Variants in NAALADL2 observed in about 807,000 individuals in gnomAD.
NAALADL2 encodes N-acetylated alpha-linked acidic dipeptidase like 2, also known as inactive N-acetylated-alpha-linked acidic dipeptidase-like protein 2.
Under a neutral mutation model 87.2 loss-of-function variants are expected in NAALADL2, and 76 were observed. The observed-to-expected ratio is 0.87, with a 90% confidence interval of 0.72 to 1.05. The LOEUF is 1.05. Ranked by LOEUF, NAALADL2 falls within the 50% of genes least tolerant of loss-of-function variation. The pLI is 0.00. For missense variants in NAALADL2, 1,089 were observed against 945.8 expected, an observed-to-expected ratio of 1.15 and a Z score of -1.99; for synonymous variants, 354 against 331.0, an observed-to-expected ratio of 1.07 and a Z score of -0.75.
At position 175,365,551 on chromosome 3, in the gene NAALADL2, T is replaced by G. The variant is rs1378918477; in HGVS notation, c.1090+41226T>G. ...CATTGTATACTTTGATAAATTTATGTAAAATTAGATTTTGTGGATTTTTCT... is the reference window on the plus strand; with the variant it reads ...CATTGTATACTTTGATAAATTTATGGAAAATTAGATTTTGTGGATTTTTCT... On this transcript the variant is annotated intron_variant, in intron 5 of 13. Coordinates refer to ENST00000454872, the MANE Select transcript of NAALADL2 (RefSeq NM_207015.3). 2.0e-5 allele frequency among the ~76,000 whole-genome samples: 3 copies of G among 147,766 alleles called. 1 individual carries two copies. In the East Asian group the frequency reaches 6.0e-4, roughly 29 times the overall value.
intron 3 of NAALADL2, among the ~76,000 whole-genome samples, chr3:174,832,702 G>T (rs772352990): frequency 1.3e-5 from 2 of 152,042 alleles, no homozygotes; most frequent in African/African-American, 4.8e-5. Flanking sequence ...TCTTGACGTC[G>T]TGATCCGCCC....
intron 1 of NAALADL2, among the ~76,000 whole-genome samples, chr3:174,509,568 A>ATTTTTTTTTT (rs145219498): frequency 4.1e-4 from 33 of 80,124 alleles, no homozygotes; most frequent in East Asian, 1.2e-3. Flanking sequence ...CACCCAGCTA[A>ATTTTTTTTTT]TTTTTTTTTT....
chr3:174,855,021 T>G (rs1188443541), upstream of NAALADL2, among the ~76,000 whole-genome samples: 1 of 151,880 alleles, frequency 6.6e-6, no homozygotes, highest in Non-Finnish European at 1.5e-5. Context: ...TAGGTTTTAG[T>G]AGAGATGGTG....
chr3:175,717,862 T>A (rs1583000187), intron 11 of NAALADL2, among the ~76,000 whole-genome samples: 2 of 141,058 alleles, frequency 1.4e-5, no homozygotes, highest in African/African-American at 5.4e-5. Context: ...CAGGTTGGAG[T>A]GCAGTGGCAC....
At chr3:174,482,272 G>A (rs886800225) in intron 1 of NAALADL2, among the ~76,000 whole-genome samples, 1 of 152,010 alleles carries the variant, frequency 6.6e-6, no homozygotes, top group Non-Finnish European at 1.5e-5. Context: ...CTTAGGTTAT[G>A]TGCCACACCC....
rs1395233503 is a variant in NAALADL2, at chr3:174,587,008, GGT to G, written c.-115+36377_-115+36378del. Among the ~76,000 whole-genome samples the G allele has an allele frequency of 2.1e-5, 3 of 143,474 alleles. No homozygotes were observed. The East Asian group carries it at 6.2e-4, about 30-fold the overall frequency. 94.1% of individuals were successfully genotyped at this position (143,474 alleles called of 152,430 possible). ...CTCCCCCCACCCCACGACAGGCCCTGGTGTGTGATGTACTCCACCCCGTGTCC... is the reference window on the plus strand; with the variant it reads ...CTCCCCCCACCCCACGACAGGCCCTGGTGTGATGTACTCCACCCCGTGTCC... On this transcript the variant is annotated intron_variant, in intron 2 of 3. Coordinates refer to the NAALADL2 transcript ENST00000434257.
chr3:174,779,712 C>G (rs1024408780), intron 3 of NAALADL2, among the ~76,000 whole-genome samples: 1 of 152,122 alleles, frequency 6.6e-6, no homozygotes, highest in African/African-American at 2.4e-5. Flanking sequence ...TTTTCCAACA[C>G]CATTTATTAA....
intron 2 of NAALADL2, among the ~76,000 whole-genome samples, chr3:174,569,048 T>C (rs965554540): frequency 2.0e-5 from 3 of 151,630 alleles, no homozygotes; most frequent in Admixed American, 6.6e-5. Flanking sequence ...TATGGCCTAA[T>C]AATGAATTTT....
chr3:174,816,505 ATACAT>A (rs370236001), intron 3 of NAALADL2, among the ~76,000 whole-genome samples: 39,669 of 147,338 alleles, frequency 0.27, 6,003 homozygotes, highest in African/African-American at 0.39. Flanking sequence ...ACATTATTTT[ATACAT>A]TTATTTATAT....
intron 2 of NAALADL2, among the ~76,000 whole-genome samples, chr3:174,578,666 G>A (rs552775804): frequency 1.3e-5 from 2 of 152,006 alleles, no homozygotes; most frequent in East Asian, 1.9e-4. Context: ...TAACTTTGAT[G>A]TACGGGAAGG....
At chr3:175,629,979 G>A (rs1727532906) in intron 11 of NAALADL2, among the ~76,000 whole-genome samples, 2 of 151,736 alleles carry the variant, frequency 1.3e-5, no homozygotes. Context: ...AGAATTATAT[G>A]TCCAAGAGAA....
chr3:174,877,863 A>G (rs1408993308), intron 1 of NAALADL2, among the ~76,000 whole-genome samples: 1 of 152,106 alleles, frequency 6.6e-6, no homozygotes, highest in African/African-American at 2.4e-5. Context: ...GAAACTCACT[A>G]TCATAAGATA....
At chr3:175,244,965 T>G (rs1410306509) in intron 3 of NAALADL2, among the ~76,000 whole-genome samples, 1 of 152,178 alleles carries the variant, frequency 6.6e-6, no homozygotes, top group Non-Finnish European at 1.5e-5. Context: ...GGACCTTTTG[T>G]AACTCATTTC....
chr3:174,609,962 A>C (rs1379433497), intron 2 of NAALADL2, among the ~76,000 whole-genome samples: 2 of 152,186 alleles, frequency 1.3e-5, no homozygotes, highest in Non-Finnish European at 2.9e-5. Context: ...GTACCAAAAG[A>C]GAGATATAGA....
intron 2 of NAALADL2, among the ~76,000 whole-genome samples, chr3:175,200,553 C>T (rs1450879334): frequency 1.3e-5 from 2 of 152,120 alleles, no homozygotes; most frequent in African/African-American, 4.8e-5. Flanking sequence ...TCTCCTTTTC[C>T]ACTTCCTGTA....
chr3:175,106,493 T>C (rs139493059), intron 2 of NAALADL2, among the ~76,000 whole-genome samples: 19 of 152,204 alleles, frequency 1.2e-4, no homozygotes, highest in African/African-American at 4.6e-4. Context: ...CTTGATCTTA[T>C]TCGTTCCAAA....
intron 2 of NAALADL2, among the ~76,000 whole-genome samples, chr3:175,149,130 G>A (rs1165293774): frequency 1.3e-5 from 2 of 152,002 alleles, no homozygotes; most frequent in Admixed American, 6.6e-5. Context: ...ATTTCTTTCA[G>A]CAGTGTTTTG....
intron 6 of NAALADL2, among the ~76,000 whole-genome samples, chr3:175,450,657 T>C (rs1336639790): frequency 6.6e-6 from 1 of 151,786 alleles, no homozygotes; most frequent in Non-Finnish European, 1.5e-5. Context: ...GAACCAATCA[T>C]CATAATATAG....
At chr3:174,965,949 A>G (rs551682591) in intron 1 of NAALADL2, among the ~76,000 whole-genome samples, 1 of 152,244 alleles carries the variant, frequency 6.6e-6, no homozygotes, top group East Asian at 1.9e-4. Context: ...TAGCTTGGAG[A>G]GTAGGACAAT....
Sources: allele counts gnomAD v4.1 joint callset (sites outside exome capture counted in the v4.1 genomes callset), GRCh38; gene constraint gnomAD v4.1.1; transcripts MANE v1.5; gene names NCBI Gene and HGNC (gene_info 2026-07-23, HGNC 2026-07-21).